FRYL: variants seen among roughly 807,000 people sequenced by gnomAD.
FRYL encodes the protein protein furry homolog-like.
A neutral mutation model predicts 351.2 loss-of-function variants in FRYL; 150 were observed. The observed-to-expected ratio is 0.43, with a 90% CI of 0.37 to 0.49. FRYL has a LOEUF of 0.49. Among genes scored for constraint, FRYL ranks in the 20% least tolerant of loss-of-function variants. The probability of loss-of-function intolerance (pLI) is 0.00; values close to 1 mark genes in which losing one functional copy is unlikely to be tolerated. For synonymous variants in FRYL, 1,153 were observed against 1,257.1 expected, an observed-to-expected ratio of 0.92 and a Z score of 1.75; for missense variants, 3,036 against 3,619.3, an observed-to-expected ratio of 0.84 and a Z score of 4.13.
intron 1 of FRYL, among the ~76,000 whole-genome samples, chr4:48,739,634 G>A (rs1031670461): frequency 5.3e-5 from 8 of 151,878 alleles, no homozygotes; most frequent in African/African-American, 1.7e-4. Flanking sequence ...GAAAACATAG[G>A]AGCAACTCTA....
chr4:48,571,614 CT>C, intron 26 of FRYL: 1 of 981,608 alleles, frequency 1.0e-6, no homozygotes, highest in Non-Finnish European at 1.2e-6. Context: ...TGAAATTTCA[CT>C]TTCTTGTCCA....
intron 4 of FRYL, among the ~76,000 whole-genome samples, chr4:48,623,419 T>A (rs1488653550): frequency 6.6e-6 from 1 of 152,218 alleles, no homozygotes; most frequent in Non-Finnish European, 1.5e-5. Flanking sequence ...AGAAAGTGGT[T>A]GTGCTCATCA....
rs1463570849 is a variant in FRYL at position 48,512,587 on chromosome 4, T to C, written c.8039A>G (p.Tyr2680Cys). 6.2e-7 allele frequency: 1 copy of C among 1,614,002 alleles called. No individual in the cohort carries two copies. The highest frequency in any genetic ancestry group is 1.7e-5 in the Admixed American group (1 of 59,996). The change falls in exon 57 of 64, where the codon TAT becomes TGT. Residue 2680 changes from tyrosine to cysteine, a missense_variant. Physicochemically the swap from Tyr to Cys is radical, Grantham distance 194 (BLOSUM62 -2). Around this residue, in one of 7 missense-constraint regions of FRYL, gnomAD observed 1,987 missense variants for 2,311.7 expected, o/e 0.86. Coordinates refer to ENST00000358350, the MANE Select transcript of FRYL (RefSeq NM_015030.2). ...AIIAAFQPVA[Y>C]DDEEEAWRCH... ...GCGCCAGGCTTCCTCTTCATCATCATATGCCACGGGCTGAAAGGCGGCTAT... is the reference window on the plus strand; with the variant it reads ...GCGCCAGGCTTCCTCTTCATCATCACATGCCACGGGCTGAAAGGCGGCTAT...
chr4:48,532,412 C>T (rs1727861039), intron 49 of FRYL, among the ~76,000 whole-genome samples: 1 of 152,236 alleles, frequency 6.6e-6, no homozygotes, highest in South Asian at 2.1e-4. Context: ...AATCCCAGTA[C>T]TTTGGGGGGC....
At chr4:48,666,523 T>A (rs1336147080) in intron 3 of FRYL, among the ~76,000 whole-genome samples, 2 of 152,160 alleles carry the variant, frequency 1.3e-5, no homozygotes, top group African/African-American at 2.4e-5. Flanking sequence ...TTAACCTTAA[T>A]CAAAATGCAC....
intron 1 of FRYL, among the ~76,000 whole-genome samples, chr4:48,730,638 A>G (rs1770619074): frequency 6.6e-6 from 1 of 152,220 alleles, no homozygotes; most frequent in Non-Finnish European, 1.5e-5. Context: ...ACTAAGCTTC[A>G]TAAGTGAAGG....
At chr4:48,779,499 G>A (rs1239886933) in intron 1 of FRYL, among the ~76,000 whole-genome samples, 1 of 152,084 alleles carries the variant, frequency 6.6e-6, no homozygotes, top group Non-Finnish European at 1.5e-5. Context: ...TGCCCGGCTG[G>A]GCTGGCGCGC....
chr4:48,722,429 TACTG>T (rs1769589236), intron 1 of FRYL, among the ~76,000 whole-genome samples: 2 of 152,208 alleles, frequency 1.3e-5, no homozygotes, highest in Admixed American at 6.5e-5. Context: ...GAATACACAC[TACTG>T]ACTTTCTCAA....
At chr4:48,573,914 G>A (rs557192446) in intron 25 of FRYL, among the ~76,000 whole-genome samples, 73 of 152,072 alleles carry the variant, frequency 4.8e-4, no homozygotes, top group Non-Finnish European at 7.8e-4. Context: ...CATGATATTC[G>A]AACATAGGGT....
intron 17 of FRYL, 71 bp from the exon 18 acceptor site, chr4:48,589,948 A>G: frequency 1.5e-6 from 2 of 1,330,944 alleles, no homozygotes; most frequent in East Asian, 4.6e-5. Flanking sequence ...CTGTAATAAA[A>G]GCCTATTAAT....
intron 19 of FRYL, among the ~76,000 whole-genome samples, chr4:48,585,565 CAG>C (rs376004252): frequency 1.3e-5 from 2 of 152,294 alleles, no homozygotes; most frequent in Non-Finnish European, 2.9e-5. Context: ...TCATCTAGGA[CAG>C]GGGCTGGCAA....
chr4:48,689,334 GATGA>G (rs1450345037), intron 2 of FRYL, among the ~76,000 whole-genome samples: 2 of 152,150 alleles, frequency 1.3e-5, no homozygotes, highest in African/African-American at 2.4e-5. Context: ...CTTATACACT[GATGA>G]ATGAATATGT....
intron 49 of FRYL, among the ~76,000 whole-genome samples, chr4:48,532,899 T>G (rs1026838424): frequency 3.9e-5 from 6 of 152,296 alleles, no homozygotes; most frequent in Admixed American, 6.5e-5. Flanking sequence ...TGATGAGCCA[T>G]CAGCTAAATA....
chr4:48,502,768 G>A, intron 61 of FRYL, 60 bp downstream of exon 61: 1 of 1,379,354 alleles, frequency 7.2e-7, no homozygotes. Flanking sequence ...ACAAATGGCA[G>A]ATGAAAACCA....
At chr4:48,600,076 C>G (rs1745398554) in intron 13 of FRYL, among the ~76,000 whole-genome samples, 1 of 151,738 alleles carries the variant, frequency 6.6e-6, no homozygotes, top group Non-Finnish European at 1.5e-5. Context: ...CACTGCACTC[C>G]AGCCTGGGTG....
chr4:48,754,142 A>T (rs1428498159), intron 1 of FRYL, among the ~76,000 whole-genome samples: 2 of 152,030 alleles, frequency 1.3e-5, no homozygotes, highest in Non-Finnish European at 2.9e-5. Context: ...CATTTTCATC[A>T]CCCCAAAAGG....
At chr4:48,579,298 C>G (rs778027146) in intron 22 of FRYL, 57 bp from the exon 23 acceptor site, 66 of 1,409,780 alleles carry the variant, frequency 4.7e-5, no homozygotes, top group Non-Finnish European at 6.3e-5. Context: ...GAAATTTTAC[C>G]ATATAAATTG....
chr4:48,675,289 T>G (rs1248927279), intron 3 of FRYL, among the ~76,000 whole-genome samples: 1 of 152,198 alleles, frequency 6.6e-6, no homozygotes, highest in East Asian at 1.9e-4. Flanking sequence ...AGCCCCTTTC[T>G]GGGCTGGCCA....
intron 30 of FRYL, among the ~76,000 whole-genome samples, chr4:48,564,386 T>A (rs1012311672): frequency 1.2e-4 from 18 of 152,344 alleles, no homozygotes; most frequent in African/African-American, 4.1e-4. Context: ...GATTAGGTGC[T>A]TTCAGAAAAA....
Sources: gnomAD v4.1 joint callset for allele counts (sites outside exome capture counted in the v4.1 genomes callset) on GRCh38, gnomAD v4.1.1 for gene constraint, gnomAD v4.1.1 regional missense constraint, MANE v1.5 for transcripts, NCBI Gene and HGNC (gene_info 2026-07-23, HGNC 2026-07-21) for gene names.